FLNC: variants seen among roughly 807,000 people sequenced by gnomAD.
FLNC encodes filamin-C.
In FLNC, 91 loss-of-function variants were observed where a neutral mutation model predicts 254.3. The ratio of observed to expected loss-of-function variants is 0.36; its 90% CI spans 0.30 to 0.43. The LOEUF is 0.43. Ranked by LOEUF, FLNC falls within the 20% of genes least tolerant of loss-of-function variation. The probability of loss-of-function intolerance (pLI) is 1.00; values close to 1 mark genes in which losing one functional copy is unlikely to be tolerated. For synonymous variants in FLNC, 1,430 were observed against 1,577.2 expected (o/e 0.91, Z 2.21); for missense variants, 2,853 against 3,802.6 (o/e 0.75, Z 6.57).
At position 128,836,947 on chromosome 7, in the gene FLNC, G is replaced by T. The variant is rs1585152305; in HGVS notation, c.602-213G>T. Among the ~76,000 whole-genome samples, 1 of 152,240 alleles carries T rather than the reference G, an allele frequency of 6.6e-6. No homozygotes were observed. The highest frequency in any genetic ancestry group is 2.1e-4 in the South Asian group (1 of 4,826). On this transcript the variant is annotated intron_variant, in intron 2 of 47. Coordinates refer to ENST00000325888, the MANE Select transcript of FLNC (RefSeq NM_001458.5). The surrounding 1 kb of genome is among the most constrained non-coding windows in gnomAD (Gnocchi z 6.0). ...AGGCTGCGTCAGCCAGGGCAGAAAG[G>T]CTTCATTGTTGGTGGTGGAGAGGGC... is the stretch of plus-strand genomic sequence containing the variant.
rs1167620763 is a variant in FLNC at position 128,846,812 on chromosome 7, GACA to G, written c.4200_4202del (p.Asn1400del). 8 of 1,614,110 alleles carry G rather than the reference GACA, an allele frequency of 5.0e-6. No individual in the cohort carries two copies. Among genetic ancestry groups the G allele is most frequent in the South Asian group, 4.4e-5 (4 of 91,090 alleles). Reference sequence around the variant, plus strand: ...CTCGGAAGCCAAGATGTCCTGCAAGGACAACAAGGATGGTAGCTGCACCGTGGA... The same window carrying G: ...CTCGGAAGCCAAGATGTCCTGCAAGGACAAGGATGGTAGCTGCACCGTGGA... On this transcript the variant is annotated inframe_deletion, in exon 24 of 48. Coordinates refer to ENST00000325888, the MANE Select transcript of FLNC (RefSeq NM_001458.5).
At chr7:128,844,372 A>C (rs747431341) in intron 20 of FLNC, 106 bp downstream of exon 20, 20 of 1,381,194 alleles carry the variant, frequency 1.4e-5, no homozygotes, top group Non-Finnish European at 1.8e-5. Flanking sequence ...TGGAGTGGGC[A>C]CAGCCAAGGG....
chr7:128,848,638 G>T lies in FLNC; in HGVS notation c.4658G>T (p.Gly1553Val). The part of the protein sequence containing the change: ...RASGPGLNAS[G>V]IPASLPVEFT... ...AGCGGCCCAGGCCTCAACGCCTCTG[G>T]CATCCCTGCCAGCCTGCCTGTGGAG... The change falls in exon 27 of 48, where the codon GGC (glycine) becomes GTC (valine). Residue 1553 changes from glycine (G) to valine (V), a missense_variant. Gly to Val is a moderately radical substitution (Grantham distance 109). Coordinates refer to ENST00000325888, the MANE Select transcript of FLNC (RefSeq NM_001458.5). The T allele has an allele frequency of 6.2e-7, 1 of 1,613,446 alleles. No homozygotes were observed. The highest frequency in any genetic ancestry group is 8.5e-7 in the Non-Finnish European group (1 of 1,180,032).
At chr7:128,843,153 G>A in intron 16 of FLNC, 76 bp from the exon 17 acceptor site, 2 of 1,461,254 alleles carry the variant, frequency 1.4e-6, no homozygotes, top group Non-Finnish European at 1.9e-6. Context: ...CCCTGGGTGT[G>A]TCCTGAGCCA....
At chr7:128,849,071 T>G in intron 28 of FLNC, 89 bp downstream of exon 28, 1 of 1,590,072 alleles carries the variant, frequency 6.3e-7, no homozygotes, top group Non-Finnish European at 8.6e-7. Flanking sequence ...AGGGGTCTGC[T>G]GGTCGGAGAG....
In FLNC at chr7:128,841,652, C is replaced by T. The variant is rs906400859; in HGVS notation, c.2121+85C>T. The T allele has an allele frequency of 4.1e-6, 4 of 981,716 alleles. No homozygotes were observed. Among genetic ancestry groups the T allele is most frequent in the Non-Finnish European group, 6.6e-6 (4 of 606,096 alleles). The allele number at this position is 981,716 out of a possible 1,614,324, so 60.8% of individuals were successfully genotyped here. A position where few individuals can be genotyped will look rare whatever the true frequency, so the allele number is the denominator to read the frequency against. On this transcript the variant is annotated intron_variant, in intron 13 of 47. Transcript: ENST00000325888. This position sits in a 1 kb window ranked among gnomAD's most constrained non-coding sequence, Gnocchi z 4.3. The stretch of plus-strand genomic sequence containing the variant: ...GGGCCAGGCCAGAGGCAGAGGCCTC[C>T]CAGCAGGAAATGACAGCATCACAGA...
chr7:128,858,109 A>T lies in FLNC; in HGVS notation c.7882A>T (p.Ile2628Phe), dbSNP rs1363504512. Reference protein sequence around the residue: ...SSSRGSSYSSIPKFSSDASKV... With the variant: ...SSSRGSSYSSFPKFSSDASKV... The stretch of plus-strand genomic sequence containing the variant: ...AAGCCGGGGCTCCAGCTACAGCTCC[A>T]TCCCCAAGTTCTCCTCAGATGCCAG... The change falls in exon 47 of 48, where the codon ATC becomes TTC. Residue 2628 changes from isoleucine (I) to phenylalanine (F), a missense_variant. Ile to Phe is a conservative substitution (Grantham distance 21). Transcript: ENST00000325888. The surrounding 1 kb of genome is among the most constrained non-coding windows in gnomAD (Gnocchi z 6.7). 1.9e-6 allele frequency: 3 copies of T among 1,613,594 alleles called. No individual in the cohort carries two copies. The South Asian group carries it at 3.3e-5, about 18-fold the overall frequency.
At position 128,837,624 on chromosome 7, in the gene FLNC, T is replaced by C. The variant is rs754527070; in HGVS notation, c.851-13T>C. ...TCTCCCTGAGTAACCTGGGCTCTGC[T>C]CCTGCCCCGTAGGCATCGAGCCACA... On this transcript the variant is annotated splice_polypyrimidine_tract_variant and intron_variant, in intron 4 of 47. Coordinates refer to ENST00000325888, the MANE Select transcript of FLNC (RefSeq NM_001458.5). 2 of 1,612,778 alleles carry C rather than the reference T, an allele frequency of 1.2e-6. No individual in the cohort carries two copies. Among genetic ancestry groups the C allele is most frequent in the East Asian group, 2.2e-5 (1 of 44,884 alleles).
rs138716837 is a variant in FLNC, at chr7:128,840,981, G to T, written c.1813+11G>T. The T allele has an allele frequency of 7.2e-4, 1,138 of 1,586,242 alleles. 4 individuals carry two copies. The highest frequency in any genetic ancestry group is 4.2e-3 in the Middle Eastern group (25 of 5,914). ...AGGTGGGGACACTGGGTAAGTGGCT[G>T]GGGGGCAGGAGGAGGGAGTGCTGCG... On this transcript the variant is annotated intron_variant, in intron 11 of 47. Coordinates refer to ENST00000325888, the MANE Select transcript of FLNC (RefSeq NM_001458.5).
At chr7:128,834,849 G>A (rs1808035524) in intron 1 of FLNC, among the ~76,000 whole-genome samples, 1 of 152,098 alleles carries the variant, frequency 6.6e-6, no homozygotes, top group Admixed American at 6.6e-5. Context: ...ACTTTGGGGA[G>A]TGATGGATGG....
Position 128,853,602 on chromosome 7 carries a change from T to G in FLNC, c.6342T>G (p.Phe2114Leu). ...GCACCTACATCATCAACATCAAGTT[T>G]GCTGACAAGCACGTGCCTGGTAAGG... Reference protein sequence around the residue: ...EPGTYIINIKFADKHVPGSPF... With the variant: ...EPGTYIINIKLADKHVPGSPF... Residue 2114 changes from phenylalanine (F) to leucine (L), a missense_variant, in exon 38 of 48, where the codon TTT becomes TTG. Around this residue, in one of 10 missense-constraint regions of FLNC, gnomAD observed 551 missense variants for 835.0 expected, o/e 0.66. Transcript: ENST00000325888. 6.2e-7 allele frequency: 1 copy of G among 1,614,070 alleles called. No homozygotes were observed. The highest frequency in any genetic ancestry group is 2.2e-5 in the East Asian group (1 of 44,870).
rs1317587370 is a variant in FLNC at position 128,842,730 on chromosome 7, G to A, written c.2389+32G>A. 1 of 1,579,428 alleles carries A rather than the reference G, an allele frequency of 6.3e-7. No individual in the cohort carries two copies. Among genetic ancestry groups the A allele is most frequent in the East Asian group, 2.3e-5 (1 of 43,434 alleles). On this transcript the variant is annotated intron_variant, in intron 15 of 47. Transcript: ENST00000325888. This position sits in a 1 kb window ranked among gnomAD's most constrained non-coding sequence, Gnocchi z 5.4. ...CCAGCCGGAAGGGGTGGGTCTGGGAGGGGGCGGGGGTGAGTCGAGTCGGGG... is the reference window on the plus strand; with the variant it reads ...CCAGCCGGAAGGGGTGGGTCTGGGAAGGGGCGGGGGTGAGTCGAGTCGGGG...
rs1236577531 is a variant in FLNC at position 128,842,321 on chromosome 7, C to G, written c.2212C>G (p.His738Asp). The change falls in exon 14 of 48, where the codon CAC (histidine) becomes GAC (aspartate). Residue 738 changes from histidine (H) to aspartate (D), a missense_variant. His to Asp is a moderately conservative substitution (Grantham distance 81). Around this residue, in one of 10 missense-constraint regions of FLNC, gnomAD observed 1,573 missense variants for 1,883.5 expected, o/e 0.84. Transcript: ENST00000325888. The surrounding 1 kb of genome is among the most constrained non-coding windows in gnomAD (Gnocchi z 5.4). The part of the protein sequence containing the change: ...CSYVPTKPIK[H>D]TIIISWGGVN... ...CTACGTGCCCACCAAGCCCATTAAG[C>G]ACACCATCATCATCTCCTGGGGAGG... The G allele has an allele frequency of 6.2e-7, 1 of 1,613,756 alleles. No homozygotes were observed. The highest frequency in any genetic ancestry group is 8.5e-7 in the Non-Finnish European group (1 of 1,180,026).
rs556428588 is a variant in FLNC, at chr7:128,845,230, C to G, written c.3765C>G (p.Val1255=). 6 of 1,613,738 alleles carry G rather than the reference C, an allele frequency of 3.7e-6. No homozygotes were observed. The Admixed American group carries it at 1.0e-4, about 27-fold the overall frequency. ...QPAVDTSGVK[V]SGPGVEPHGV... is the part of the protein sequence containing the mutation. ...CGGTCGATACCAGTGGCGTCAAGGTCTCAGGGCCTGGTGTTGAGCCACACG... is the reference window on the plus strand; with the variant it reads ...CGGTCGATACCAGTGGCGTCAAGGTGTCAGGGCCTGGTGTTGAGCCACACG... The change falls in exon 21 of 48, where the codon GTC becomes GTG. Residue 1255 remains valine, a synonymous_variant. Transcript: ENST00000325888.
chr7:128,834,320 C>G (rs1024533006), intron 1 of FLNC, among the ~76,000 whole-genome samples: 10 of 150,730 alleles, frequency 6.6e-5, no homozygotes, highest in Admixed American at 5.9e-4. Flanking sequence ...CGCCCCCCCC[C>G]CCCAAATCTT....
chr7:128,837,586 G>A (rs1808148645), intron 4 of FLNC, 38 bp downstream of exon 4: 1 of 1,613,804 alleles, frequency 6.2e-7, no homozygotes, highest in Admixed American at 1.7e-5. Flanking sequence ...TGGGCAGCTG[G>A]GCACATGTAG....
At chr7:128,831,075 G>C in intron 1 of FLNC, 86 bp downstream of exon 1, 1 of 1,306,348 alleles carries the variant, frequency 7.7e-7, no homozygotes, top group Non-Finnish European at 1.1e-6. Context: ...GGGCGCGCGG[G>C]GAGCTGAGAG....
At chr7:128,843,033 C>A in intron 16 of FLNC, 79 bp downstream of exon 16, 1 of 1,546,806 alleles carries the variant, frequency 6.5e-7, no homozygotes, top group Admixed American at 1.7e-5. Flanking sequence ...TCACTGGGAA[C>A]AGGGAGGGAT....
chr7:128,837,809 G>T, intron 5 of FLNC, 54 bp downstream of exon 5: 1 of 1,494,424 alleles, frequency 6.7e-7, no homozygotes, highest in Admixed American at 1.9e-5. Context: ...GAACCAGAGA[G>T]CGTGGGGCCA....
Sources: gnomAD v4.1 joint callset for allele counts (sites outside exome capture counted in the v4.1 genomes callset) on GRCh38, gnomAD v4.1.1 for gene constraint, gnomAD v4.1.1 regional missense constraint, Gnocchi (gnomAD v3.1) non-coding constraint, MANE v1.5 for transcripts, NCBI Gene and HGNC (gene_info 2026-07-23, HGNC 2026-07-21) for gene names.